PABPC4: variants seen among roughly 807,000 people sequenced by gnomAD.
The protein encoded by PABPC4 is poly(A) binding protein cytoplasmic 4.
A neutral mutation model predicts 74.5 loss-of-function variants in PABPC4; 15 were observed. That is an observed-to-expected ratio of 0.20 (90% CI 0.13 to 0.31). PABPC4 has a LOEUF of 0.31. Among genes scored for constraint, PABPC4 ranks in the 10% least tolerant of loss-of-function variants. The probability of loss-of-function intolerance (pLI) is 1.00; values close to 1 mark genes in which losing one functional copy is unlikely to be tolerated. For missense variants in PABPC4, 610 were observed against 853.5 expected (o/e 0.71, Z 3.55); for synonymous variants, 345 against 303.0 (o/e 1.14, Z -1.44).
rs374603356 is a variant in PABPC4 at position 39,564,803 on chromosome 1, C to G, written c.1246-30G>C. 509 of 1,537,024 alleles carry G rather than the reference C, an allele frequency of 3.3e-4. 13 individuals are homozygous for G. The highest frequency in any genetic ancestry group is 2.2e-3 in the South Asian group (198 of 89,400). On this transcript the variant is annotated intron_variant, in intron 8 of 15. Transcript: ENST00000372858. ...AAGACAGAAGAATACCCAAACACCC[C>G]CTTAAGGACTGAACCCATCCTAGAG...
chr1:39,561,658 A>T, intron 15 of PABPC4, 27 bp downstream of exon 15: 1 of 1,503,542 alleles, frequency 6.7e-7, no homozygotes, highest in South Asian at 1.1e-5. Context: ...TGCTCATAGG[A>T]ACAAAAATGA....
At chr1:39,564,328 A>T (rs1351264740) in intron 10 of PABPC4, 95 bp downstream of exon 10, 1 of 1,428,638 alleles carries the variant, frequency 7.0e-7, no homozygotes, top group Non-Finnish European at 9.5e-7. Context: ...GGACTCGATA[A>T]ATTCGAGCCC....
chr1:39,565,796 C>G lies in PABPC4; in HGVS notation c.973-418G>C, dbSNP rs951199044. Among the ~76,000 whole-genome samples, 14 of 152,218 alleles carry G rather than the reference C, an allele frequency of 9.2e-5. No homozygotes were observed. In the South Asian group the frequency reaches 1.9e-3, roughly 20 times the overall value. ...TGAGCCGAGATCGCGCCACTGCACT[C>G]CAGCCTGGGCGACAGAGCGAGACTC... On this transcript the variant is annotated intron_variant, in intron 7 of 15. Coordinates refer to ENST00000372858, the MANE Select transcript of PABPC4 (RefSeq NM_001135653.2).
At position 39,564,016 on chromosome 1, in the gene PABPC4, A is replaced by C. The variant is rs1464198663; in HGVS notation, c.1454-94T>G. ...GAGAAATTTCAAAGCACGTTTACGC[A>C]ACACATTGCACAGGGGGCCACTACT... On this transcript the variant is annotated intron_variant, in intron 10 of 15. Coordinates refer to ENST00000372858, the MANE Select transcript of PABPC4 (RefSeq NM_001135653.2). The C allele has an allele frequency of 9.8e-6, 11 of 1,118,540 alleles. 1 individual carries two copies. The highest frequency in any genetic ancestry group is 2.6e-5 in the South Asian group (2 of 75,672). The allele number at this position is 1,118,540 out of a possible 1,614,324, so 69.3% of individuals were successfully genotyped here.
intron 1 of PABPC4, 151 bp downstream of exon 1, chr1:39,575,608 G>A (rs1646013533): frequency 3.4e-6 from 2 of 583,904 alleles, no homozygotes; most frequent in East Asian, 3.2e-5. Context: ...TCTGATGCCA[G>A]GTCCGCGTTC....
chr1:39,572,466 T>G lies in PABPC4; in HGVS notation c.314A>C (p.Asn105Thr). The G allele has an allele frequency of 6.2e-7, 1 of 1,614,110 alleles. No homozygotes were observed. Reference sequence around the variant, plus strand: ...CTTGTTATCTATAGATTTGTCCAGGTTCTTGATGAAGACGTTTCCCACACC... The same window carrying G: ...CTTGTTATCTATAGATTTGTCCAGGGTCTTGATGAAGACGTTTCCCACACC... ...KSGVGNVFIK[N>T]LDKSIDNKAL... Residue 105 changes from asparagine (N) to threonine (T), a missense_variant, in exon 2 of 16, where the codon AAC (asparagine) becomes ACC (threonine). Around this residue, in one of 4 missense-constraint regions of PABPC4, gnomAD observed 304 missense variants for 478.9 expected, o/e 0.63. Coordinates refer to ENST00000372858, the MANE Select transcript of PABPC4 (RefSeq NM_001135653.2).
intron 1 of PABPC4, among the ~76,000 whole-genome samples, chr1:39,574,040 A>G (rs914076778): frequency 5.3e-5 from 8 of 152,132 alleles, no homozygotes; most frequent in African/African-American, 1.9e-4. Flanking sequence ...CCTCAGGACA[A>G]CATCTCACTT....
Position 39,561,700 on chromosome 1 carries a change from A to AAGAGGT in PABPC4, c.1975_1980dup (p.Thr659_Ser660dup). ...CCACACATACGGTTTTTCCTTGTCTAAGAGGTAGCAGCAGCAACAGCGCCC... is the reference window on the plus strand; with the variant it reads ...CCACACATACGGTTTTTCCTTGTCTAAGAGGTAGAGGTAGCAGCAGCAACAGCGCCC... On this transcript the variant is annotated inframe_insertion, in exon 15 of 16. Coordinates refer to ENST00000372858, the MANE Select transcript of PABPC4 (RefSeq NM_001135653.2). The AAGAGGT allele has an allele frequency of 1.2e-6, 2 of 1,611,966 alleles. No individual in the cohort carries two copies. Among genetic ancestry groups the AAGAGGT allele is most frequent in the Non-Finnish European group, 1.7e-6 (2 of 1,178,894 alleles).
intron 7 of PABPC4, chr1:39,567,451 A>AGCAC (rs1230742326): frequency 1.8e-6 from 1 of 550,442 alleles, no homozygotes; most frequent in Non-Finnish European, 3.6e-6. Context: ...CTCATTCTGT[A>AGCAC]GCACCATCTG....
rs776557262 is a variant in PABPC4, at chr1:39,563,813, C to A, written c.1540+23G>T. On this transcript the variant is annotated intron_variant, in intron 11 of 15. Coordinates refer to ENST00000372858, the MANE Select transcript of PABPC4 (RefSeq NM_001135653.2). Reference sequence around the variant, plus strand: ...GACCCGTCAAATCCCATCTTTCCCCCTTCTGTGTGCATCCAATACCACCTC... The same window carrying A: ...GACCCGTCAAATCCCATCTTTCCCCATTCTGTGTGCATCCAATACCACCTC... 3.1e-6 allele frequency: 5 copies of A among 1,614,122 alleles called. No homozygotes were observed. In the Admixed American group the frequency reaches 6.7e-5, roughly 22 times the overall value.
chr1:39,572,314 G>A, intron 2 of PABPC4, 79 bp downstream of exon 2: 2 of 1,111,682 alleles, frequency 1.8e-6, no homozygotes, highest in Non-Finnish European at 2.6e-6. Context: ...CCAATTCCAA[G>A]ATAGTTCTCT....
intron 14 of PABPC4, 137 bp from the exon 15 acceptor site, chr1:39,561,924 C>G: frequency 8.7e-7 from 1 of 1,149,018 alleles, no homozygotes; most frequent in Admixed American, 2.2e-5. Context: ...TTCCCAAATA[C>G]CCACTGCAGC....
rs1645797147 is a variant in PABPC4, at chr1:39,563,852, G to A, written c.1524C>T (p.Asp508=). ...GAGAAQQGLT[D]SCQSGGVPTA... is the part of the protein sequence containing the mutation. ...CAATACCACCTCCAGACTGGCAGCTGTCAGTCAGCCCTTGCTGGGCGGCAC... is the reference window on the plus strand; with the variant it reads ...CAATACCACCTCCAGACTGGCAGCTATCAGTCAGCCCTTGCTGGGCGGCAC... The change falls in exon 11 of 16, where the codon GAC becomes GAT. Residue 508 remains aspartate (D), a synonymous_variant. Transcript: ENST00000372858. 2 of 1,614,098 alleles carry A rather than the reference G, an allele frequency of 1.2e-6. No individual in the cohort carries two copies. Among genetic ancestry groups the A allele is most frequent in the Non-Finnish European group, 1.7e-6 (2 of 1,180,044 alleles).
chr1:39,571,893 A>G (rs1490509254), intron 2 of PABPC4, among the ~76,000 whole-genome samples: 3 of 152,186 alleles, frequency 2.0e-5, no homozygotes, highest in Non-Finnish European at 2.9e-5. Context: ...ACACAACAAC[A>G]CATTTTAAGA....
intron 1 of PABPC4, chr1:39,572,809 T>A (rs1645961343): frequency 2.1e-6 from 1 of 467,440 alleles, no homozygotes; most frequent in Non-Finnish European, 3.8e-6. Context: ...CTAAACACCC[T>A]TCTGGGTCTG....
intron 12 of PABPC4, 123 bp from the exon 13 acceptor site, chr1:39,562,539 G>T: frequency 2.9e-6 from 2 of 685,610 alleles, no homozygotes; most frequent in Admixed American, 5.7e-5. Context: ...GGCTGTCCTT[G>T]CTCTAAAGGA....
chr1:39,571,839 C>T, intron 2 of PABPC4: 1 of 285,180 alleles, frequency 3.5e-6, no homozygotes, highest in Non-Finnish European at 7.0e-6. Flanking sequence ...GACCACTGCA[C>T]TCCACCCTGG....
At chr1:39,571,898 T>C (rs780577541) in intron 2 of PABPC4, among the ~76,000 whole-genome samples, 11 of 152,090 alleles carry the variant, frequency 7.2e-5, no homozygotes, top group Non-Finnish European at 1.0e-4. Flanking sequence ...ACAACACATT[T>C]TAAGAGATCT....
At chr1:39,561,838 C>G (rs534441512) in intron 14 of PABPC4, 51 bp from the exon 15 acceptor site, 2 of 1,496,972 alleles carry the variant, frequency 1.3e-6, no homozygotes, top group South Asian at 2.3e-5. Flanking sequence ...TACTCCACCC[C>G]TCCCCAGTGC....
Sources: allele counts gnomAD v4.1 joint callset (sites outside exome capture counted in the v4.1 genomes callset), GRCh38; gene constraint gnomAD v4.1.1; regional missense constraint gnomAD v4.1.1; transcripts MANE v1.5; gene names NCBI Gene and HGNC (gene_info 2026-07-23, HGNC 2026-07-21).